Variants in PRELID2 observed in about 807,000 individuals in gnomAD.
The protein encoded by PRELID2 is PRELI domain-containing protein 2.
In PRELID2, 25 loss-of-function variants were observed where a neutral mutation model predicts 28.4. The observed-to-expected ratio is 0.88, with a 90% CI of 0.64 to 1.23. PRELID2 has a LOEUF of 1.23. Ranked by LOEUF, PRELID2 falls within the 50% of genes most tolerant of loss-of-function variation. The pLI is 0.00. For missense variants in PRELID2, 201 were observed against 214.4 expected (o/e 0.94, Z 0.39); for synonymous variants, 76 against 71.6 (o/e 1.06, Z -0.31).
At chr5:145,711,343 G>T (rs998292575) in intron 1 of PRELID2, among the ~76,000 whole-genome samples, 3 of 152,136 alleles carry the variant, frequency 2.0e-5, no homozygotes, top group African/African-American at 7.2e-5. Context: ...AAGAACCAAA[G>T]TCCAGAAAAT....
At chr5:145,268,846 G>A in the PRELID2 span, among the ~76,000 whole-genome samples, 1 of 151,890 alleles carries the variant, frequency 6.6e-6, no homozygotes, top group Admixed American at 6.6e-5. Context: ...GAAGATCATA[G>A]AATATAAAGT....
At chr5:145,368,687 T>C in the PRELID2 span, among the ~76,000 whole-genome samples, 1 of 152,014 alleles carries the variant, frequency 6.6e-6, no homozygotes, top group African/African-American at 2.4e-5. Flanking sequence ...ACTGAAAAGA[T>C]GTAGTCACCC....
intron 5 of PRELID2, among the ~76,000 whole-genome samples, chr5:145,791,805 A>T (rs964597308): frequency 6.6e-6 from 1 of 152,228 alleles, no homozygotes; most frequent in African/African-American, 2.4e-5. Flanking sequence ...TTTTCAAAGC[A>T]AATAACAATA....
chr5:145,664,307 A>G (rs1754547862), intron 1 of PRELID2, among the ~76,000 whole-genome samples: 1 of 152,028 alleles, frequency 6.6e-6, no homozygotes. Flanking sequence ...AAAACCTTGG[A>G]TTCTAAAAAA....
the PRELID2 span, among the ~76,000 whole-genome samples, chr5:145,465,577 C>T: frequency 6.6e-6 from 1 of 152,058 alleles, no homozygotes; most frequent in Non-Finnish European, 1.5e-5. Flanking sequence ...GACCCCGGGG[C>T]AAGCTACTTA....
rs138864706 is a variant in PRELID2, at chr5:145,617,269, T to C, written n.71-143954A>G. ...GCTTATGAAGATGACAGGATTAAGA[T>C]ATTAAAGTAAAGACAGGCATAGGAA... On this transcript the variant is annotated intron_variant and non_coding_transcript_variant, in intron 1 of 2. Coordinates refer to the PRELID2 transcript ENST00000510259. 6.6e-3 allele frequency among the ~76,000 whole-genome samples: 1,000 copies of C among 152,326 alleles called. 9 individuals are homozygous for C. The highest frequency in any genetic ancestry group is 0.01 in the Admixed American group (158 of 15,302).
At chr5:145,368,352 C>A in the PRELID2 span, among the ~76,000 whole-genome samples, 1 of 151,928 alleles carries the variant, frequency 6.6e-6, no homozygotes, top group Admixed American at 6.6e-5. Flanking sequence ...CAATTTTTAG[C>A]TCCAAAATGG....
chr5:145,674,881 A>C (rs1019277811), intron 1 of PRELID2, among the ~76,000 whole-genome samples: 1 of 151,984 alleles, frequency 6.6e-6, no homozygotes, highest in Non-Finnish European at 1.5e-5. Flanking sequence ...GTTTCAGTGA[A>C]CCATGATTTC....
chr5:145,244,497 G>A, the PRELID2 span, among the ~76,000 whole-genome samples: 8 of 152,112 alleles, frequency 5.3e-5, no homozygotes, highest in South Asian at 1.2e-3. Context: ...AGCCTTGGGG[G>A]AATGAACAGG....
At chr5:145,396,684 A>T in the PRELID2 span, among the ~76,000 whole-genome samples, 3 of 152,116 alleles carry the variant, frequency 2.0e-5, no homozygotes, top group East Asian at 5.8e-4. Context: ...CTAATTTCTG[A>T]GCAGATAACT....
At chr5:145,567,627 C>T (rs1752978380) in intron 1 of PRELID2, among the ~76,000 whole-genome samples, 1 of 152,168 alleles carries the variant, frequency 6.6e-6, no homozygotes, top group Non-Finnish European at 1.5e-5. Flanking sequence ...ATCTACCCAC[C>T]TCAGCCTCCC....
At chr5:145,679,431 A>G (rs1048951650) in intron 1 of PRELID2, among the ~76,000 whole-genome samples, 1 of 152,218 alleles carries the variant, frequency 6.6e-6, no homozygotes, top group African/African-American at 2.4e-5. Flanking sequence ...TGTAAAGTAG[A>G]GTCCACACTC....
At chr5:145,363,522 G>A in the PRELID2 span, among the ~76,000 whole-genome samples, 2 of 152,042 alleles carry the variant, frequency 1.3e-5, no homozygotes, top group African/African-American at 2.4e-5. Context: ...TGTTGTGACA[G>A]AGAATATCCC....
the PRELID2 span, among the ~76,000 whole-genome samples, chr5:145,328,492 T>C: frequency 2.0e-5 from 3 of 152,234 alleles, no homozygotes. Flanking sequence ...TGGCATGAGA[T>C]GGTATCTAAT....
chr5:145,603,588 C>T (rs1307758357), intron 1 of PRELID2, among the ~76,000 whole-genome samples: 1 of 151,786 alleles, frequency 6.6e-6, no homozygotes, highest in African/African-American at 2.4e-5. Flanking sequence ...GAAGAATACT[C>T]ATTACAAATG....
Position 145,729,393 on chromosome 5 carries a change from C to G in PRELID2, n.70+35538G>C, listed in dbSNP as rs368654825. On this transcript the variant is annotated intron_variant and non_coding_transcript_variant, in intron 1 of 2. Coordinates refer to the PRELID2 transcript ENST00000510259. The stretch of plus-strand genomic sequence containing the variant: ...GTTTTTCTCTAGCAGAGGCAGGTTA[C>G]CCATGAAACTGAAGCTTCAAGATGA... 391 of 434,084 alleles carry G rather than the reference C, an allele frequency of 9.0e-4. 7 individuals are homozygous for G. In the South Asian group the frequency reaches 0.013, roughly 14 times the overall value. The allele number at this position is 434,084 out of a possible 1,614,324, so 26.9% of individuals were successfully genotyped here. A position where few individuals can be genotyped will look rare whatever the true frequency, so the allele number is the denominator to read the frequency against.
chr5:145,760,074 T>C lies in PRELID2; in HGVS notation c.*462A>G, dbSNP rs1259828190. ...TGTTCCAGTCCACCCGTGAATCAGGTACCAGTTCAACTCCCTTATTGGTTC... is the reference window on the plus strand; with the variant it reads ...TGTTCCAGTCCACCCGTGAATCAGGCACCAGTTCAACTCCCTTATTGGTTC... On this transcript the variant is annotated 3_prime_UTR_variant, in exon 7 of 7. Coordinates refer to ENST00000683046, the MANE Select transcript of PRELID2 (RefSeq NM_205846.3). 6.6e-6 allele frequency: 1 copy of C among 152,136 alleles called. No homozygotes were observed. Among genetic ancestry groups the C allele is most frequent in the African/African-American group, 2.4e-5 (1 of 41,422 alleles). The allele number at this position is 152,136 out of a possible 1,614,324, so 9.4% of individuals were successfully genotyped here.
At position 145,774,581 on chromosome 5, in the gene PRELID2, C is replaced by G. The variant is rs563062326; in HGVS notation, c.475-9581G>C. Among the ~76,000 whole-genome samples the G allele has an allele frequency of 2.5e-4, 38 of 152,330 alleles. No homozygotes were observed. In the South Asian group the frequency reaches 5.0e-3, roughly 20 times the overall value. ...TAATGGGACTCCCGCAGTGAGGCAC[C>G]TCCCCACATTCAGCTAGAGGCTGAT... On this transcript the variant is annotated intron_variant, in intron 5 of 6. Transcript: ENST00000683046.
At chr5:145,728,611 C>G in intron 1 of PRELID2, 1 of 1,042,208 alleles carries the variant, frequency 9.6e-7, no homozygotes. Context: ...ACAATGACCA[C>G]TGTAACATTA....
Sources: gnomAD v4.1 joint callset for allele counts (sites outside exome capture counted in the v4.1 genomes callset) on GRCh38, gnomAD v4.1.1 for gene constraint, MANE v1.5 for transcripts, NCBI Gene and HGNC (gene_info 2026-07-23, HGNC 2026-07-21) for gene names.